Variants in AGTPBP1 observed in about 807,000 individuals in gnomAD.
The protein encoded by AGTPBP1 is cytosolic carboxypeptidase 1.
A neutral mutation model predicts 143.9 loss-of-function variants in AGTPBP1; 70 were observed. That is an observed-to-expected ratio of 0.49 (90% CI 0.40 to 0.59). AGTPBP1 has a LOEUF of 0.59. Among genes scored for constraint, AGTPBP1 ranks in the 20% least tolerant of loss-of-function variants. AGTPBP1 has a pLI of 0.00. For missense variants in AGTPBP1, 1,229 were observed against 1,464.5 expected (o/e 0.84, Z 2.62); for synonymous variants, 463 against 500.2 (o/e 0.93, Z 0.99).
intron 23 of AGTPBP1, among the ~76,000 whole-genome samples, chr9:85,584,577 A>G (rs987396091): frequency 6.6e-6 from 1 of 152,212 alleles, no homozygotes; most frequent in Non-Finnish European, 1.5e-5. Flanking sequence ...GCTTTGCTCC[A>G]CAAAGTTTTG....
Position 85,588,486 on chromosome 9 carries a change from A to G in AGTPBP1, c.2723-8T>C, listed in dbSNP as rs1476340750. 4.9e-5 allele frequency: 78 copies of G among 1,606,060 alleles called. No individual in the cohort carries two copies. The highest frequency in any genetic ancestry group is 1.6e-4 in the Admixed American group (9 of 57,226). On this transcript the variant is annotated splice_polypyrimidine_tract_variant and splice_region_variant and intron_variant, in intron 20 of 25. Transcript: ENST00000357081. ...AAACGTAAGGGCGATTTCCTAAAGT[A>G]CACATAAAATCTCAAATTAAAATGA...
At chr9:85,663,391 G>GA (rs1258125571) in intron 8 of AGTPBP1, among the ~76,000 whole-genome samples, 3 of 151,984 alleles carry the variant, frequency 2.0e-5, no homozygotes, top group Non-Finnish European at 4.4e-5. Context: ...CAGTAGTGGG[G>GA]AAAAATCAGT....
chr9:85,709,349 C>A (rs1837218943), intron 2 of AGTPBP1, among the ~76,000 whole-genome samples: 1 of 152,062 alleles, frequency 6.6e-6, no homozygotes, highest in African/African-American at 2.4e-5. Flanking sequence ...ATTTAAGAAA[C>A]CCACAGTTAA....
the AGTPBP1 span, among the ~76,000 whole-genome samples, chr9:85,780,667 G>A: frequency 6.6e-6 from 1 of 152,132 alleles, no homozygotes. Flanking sequence ...GGGTTGGTAG[G>A]GGGTAGGATG....
intron 3 of AGTPBP1, among the ~76,000 whole-genome samples, chr9:85,683,508 C>A (rs1835315867): frequency 6.6e-6 from 1 of 152,186 alleles, no homozygotes; most frequent in Non-Finnish European, 1.5e-5. Context: ...CCCTTGTTAA[C>A]ATTCACCACT....
chr9:85,670,266 G>T (rs1413880910), intron 7 of AGTPBP1, among the ~76,000 whole-genome samples: 1 of 152,160 alleles, frequency 6.6e-6, no homozygotes, highest in Non-Finnish European at 1.5e-5. Context: ...GGTAGAAAAA[G>T]ATGAGAAATT....
intron 17 of AGTPBP1, among the ~76,000 whole-genome samples, chr9:85,612,007 C>A (rs191456580): frequency 1.1e-3 from 166 of 152,218 alleles, no homozygotes; most frequent in Middle Eastern, 3.4e-3. Context: ...AAATCTCTCT[C>A]TATATATATT....
upstream of AGTPBP1, among the ~76,000 whole-genome samples, chr9:85,745,271 T>G (rs996275121): frequency 6.6e-6 from 1 of 152,206 alleles, no homozygotes; most frequent in African/African-American, 2.4e-5. Flanking sequence ...TCTCAAAAAG[T>G]CTACAGCAAT....
At chr9:85,553,675 T>C (rs1826164705) in intron 25 of AGTPBP1, among the ~76,000 whole-genome samples, 1 of 152,218 alleles carries the variant, frequency 6.6e-6, no homozygotes. Context: ...ACTAAAACAT[T>C]CCTTACACAT....
intron 3 of AGTPBP1, among the ~76,000 whole-genome samples, chr9:85,689,660 C>T (rs948772375): frequency 1.3e-5 from 2 of 151,792 alleles, no homozygotes; most frequent in African/African-American, 2.4e-5. Context: ...TGTGGGAGGC[C>T]GAGACCGGCA....
intron 2 of AGTPBP1, among the ~76,000 whole-genome samples, chr9:85,701,342 G>A (rs1284959164): frequency 6.6e-6 from 1 of 151,538 alleles, no homozygotes; most frequent in Non-Finnish European, 1.5e-5. Flanking sequence ...CGATTCTCCT[G>A]CCTCAGCCTC....
chr9:85,586,974 A>G lies in AGTPBP1; in HGVS notation c.2904-14T>C. ...GAACAGCGATGACTACATGTACATA[A>G]ACACAAAGACAGAAAAACACTGGTA... On this transcript the variant is annotated splice_polypyrimidine_tract_variant and intron_variant, in intron 21 of 25. Coordinates refer to ENST00000357081, the MANE Select transcript of AGTPBP1 (RefSeq NM_001330701.2). 6.2e-7 allele frequency: 1 copy of G among 1,613,474 alleles called. No individual in the cohort carries two copies. The highest frequency in any genetic ancestry group is 8.5e-7 in the Non-Finnish European group (1 of 1,179,578).
intron 25 of AGTPBP1, among the ~76,000 whole-genome samples, chr9:85,561,234 T>C (rs1440770963): frequency 2.0e-5 from 3 of 151,850 alleles, no homozygotes; most frequent in Non-Finnish European, 4.4e-5. Context: ...TGGTGGTGCA[T>C]GTCTGTAATC....
chr9:85,587,836 ACTC>A (rs1462364935), intron 21 of AGTPBP1, among the ~76,000 whole-genome samples: 4 of 152,070 alleles, frequency 2.6e-5, no homozygotes, highest in Admixed American at 6.6e-5. Flanking sequence ...CCTCTAAAGA[ACTC>A]CTGTCAAAAA....
intron 25 of AGTPBP1, among the ~76,000 whole-genome samples, chr9:85,559,901 C>T (rs1420935308): frequency 6.6e-6 from 1 of 152,174 alleles, no homozygotes; most frequent in Admixed American, 6.5e-5. Flanking sequence ...GGGACTGTCT[C>T]GACTATGCCT....
chr9:85,606,112 C>T (rs2133377234), intron 17 of AGTPBP1, among the ~76,000 whole-genome samples: 1 of 152,094 alleles, frequency 6.6e-6, no homozygotes, highest in South Asian at 2.1e-4. Flanking sequence ...GGTGAAGAAA[C>T]AACCTGTCGA....
In AGTPBP1 at chr9:85,546,897, T is replaced by C; in HGVS notation, c.*212A>G. ...AATCCAATATTTGATCATTCAATGCTACATAAAGTGCATTGAATATCGAAA... is the reference window on the plus strand; with the variant it reads ...AATCCAATATTTGATCATTCAATGCCACATAAAGTGCATTGAATATCGAAA... On this transcript the variant is annotated 3_prime_UTR_variant, in exon 26 of 26. Transcript: ENST00000357081. The C allele has an allele frequency of 4.9e-6, 2 of 407,336 alleles. No homozygotes were observed. The highest frequency in any genetic ancestry group is 4.3e-6 in the Non-Finnish European group (1 of 233,878). The allele number at this position is 407,336 out of a possible 1,614,324, so 25.2% of individuals were successfully genotyped here.
chr9:85,550,421 T>C (rs935937558), intron 25 of AGTPBP1, among the ~76,000 whole-genome samples: 1 of 152,158 alleles, frequency 6.6e-6, no homozygotes, highest in Non-Finnish European at 1.5e-5. Context: ...CTATTCTAGT[T>C]TGCTTAATTC....
intron 2 of AGTPBP1, among the ~76,000 whole-genome samples, chr9:85,699,820 G>A (rs1836529426): frequency 6.6e-6 from 1 of 152,032 alleles, no homozygotes; most frequent in Non-Finnish European, 1.5e-5. Context: ...ATGTGGAATG[G>A]ATTATTTTTT....
Sources: allele counts gnomAD v4.1 joint callset (sites outside exome capture counted in the v4.1 genomes callset), GRCh38; gene constraint gnomAD v4.1.1; transcripts MANE v1.5; gene names NCBI Gene and HGNC (gene_info 2026-07-23, HGNC 2026-07-21).